The following PDE10A variants were observed in gnomAD, a reference collection of about 807,000 sequenced individuals.
PDE10A encodes cAMP and cAMP-inhibited cGMP 3',5'-cyclic phosphodiesterase 10A.
In PDE10A, 39 loss-of-function variants were observed where a neutral mutation model predicts 97.7. That is an observed-to-expected ratio of 0.40 (90% CI 0.31 to 0.52). The LOEUF (loss-of-function observed/expected upper bound fraction) is 0.52, where lower values mean the gene tolerates loss of function less well. Ranked by LOEUF, PDE10A falls within the 20% of genes least tolerant of loss-of-function variation. PDE10A has a pLI of 0.56. For synonymous variants in PDE10A, 371 were observed against 376.8 expected, an observed-to-expected ratio of 0.98 and a Z score of 0.18; for missense variants, 731 against 1,047.8, an observed-to-expected ratio of 0.70 and a Z score of 4.17.
At chr6:165,771,464 G>C (rs1474516114) in intron 1 of PDE10A, among the ~76,000 whole-genome samples, 1 of 152,012 alleles carries the variant, frequency 6.6e-6, no homozygotes, top group Non-Finnish European at 1.5e-5. Context: ...CAACAACCAG[G>C]TTCTGATTTG....
chr6:165,662,540 C>T lies in PDE10A; in HGVS notation c.272G>A (p.Cys91Tyr), dbSNP rs1269245518. The T allele has an allele frequency of 1.4e-5, 2 of 147,778 alleles. No homozygotes were observed. Among genetic ancestry groups the T allele is most frequent in the East Asian group, 4.1e-4 (2 of 4,924 alleles). The allele number at this position is 147,778 out of a possible 1,614,324, so 9.2% of individuals were successfully genotyped here. ...PGALSARGGG[C>Y]GWVAARAPLA... ...GGGAGCGCGGGCCGCGACCCAGCCG[C>T]AGCCGCCGCCGCGCGCAGAGAGGGC... Residue 91 changes from cysteine (C) to tyrosine (Y), a missense_variant, in exon 1 of 22, where the codon TGC becomes TAC. Cys to Tyr is a radical substitution (Grantham distance 194). This residue lies in a region of PDE10A where 181 missense variants were observed against 159.1 expected (regional missense o/e 1.14). Transcript: ENST00000539869.
chr6:165,367,213 T>G (rs886990261), intron 18 of PDE10A, among the ~76,000 whole-genome samples: 4 of 144,370 alleles, frequency 2.8e-5, no homozygotes, highest in African/African-American at 7.9e-5. Context: ...CTTGAAAATA[T>G]TACATATATA....
intron 1 of PDE10A, among the ~76,000 whole-genome samples, chr6:165,621,406 T>C (rs1478261153): frequency 6.6e-6 from 1 of 152,138 alleles, no homozygotes; most frequent in Non-Finnish European, 1.5e-5. Flanking sequence ...GAAAAACCCC[T>C]TTCCCCTTCA....
intron 1 of PDE10A, among the ~76,000 whole-genome samples, chr6:165,848,877 G>T (rs1780496292): frequency 6.6e-6 from 1 of 152,164 alleles, no homozygotes; most frequent in Admixed American, 6.5e-5. Flanking sequence ...GGGCAGGAGA[G>T]AATCTGTGAT....
intron 3 of PDE10A, among the ~76,000 whole-genome samples, 167 bp downstream of exon 3, chr6:165,482,148 A>AC (rs576318687): frequency 3.9e-5 from 6 of 152,238 alleles, no homozygotes; most frequent in African/African-American, 1.4e-4. Flanking sequence ...TTCAATTTGC[A>AC]CCCTCTCTAC....
At chr6:165,427,789 T>C (rs1396594261) in intron 10 of PDE10A, among the ~76,000 whole-genome samples, 1 of 152,168 alleles carries the variant, frequency 6.6e-6, no homozygotes, top group Admixed American at 6.5e-5. Context: ...TACTCACTGA[T>C]TTACAAATTC....
intron 1 of PDE10A, among the ~76,000 whole-genome samples, chr6:165,715,152 C>T (rs954305473): frequency 8.5e-5 from 13 of 152,218 alleles, no homozygotes; most frequent in South Asian, 2.1e-4. Context: ...GTGCGGCCGG[C>T]GCTGCTTACA....
chr6:165,749,984 G>A (rs1469442361), intron 1 of PDE10A, among the ~76,000 whole-genome samples: 1 of 152,210 alleles, frequency 6.6e-6, no homozygotes, highest in African/African-American at 2.4e-5. Context: ...CAGATGTGGA[G>A]TTACTGTTTT....
chr6:165,750,083 A>G (rs1792962314), intron 1 of PDE10A, among the ~76,000 whole-genome samples: 1 of 152,140 alleles, frequency 6.6e-6, no homozygotes, highest in East Asian at 1.9e-4. Context: ...TGAGGTGGGT[A>G]TTGAAGACTC....
intron 1 of PDE10A, among the ~76,000 whole-genome samples, chr6:165,944,344 T>C (rs1446145431): frequency 6.6e-6 from 1 of 152,218 alleles, no homozygotes; most frequent in Non-Finnish European, 1.5e-5. Flanking sequence ...AGATATTTTG[T>C]ATTTTTCCTT....
intron 1 of PDE10A, among the ~76,000 whole-genome samples, chr6:165,871,117 G>C (rs1233874576): frequency 6.6e-6 from 1 of 152,204 alleles, no homozygotes; most frequent in Non-Finnish European, 1.5e-5. Flanking sequence ...ACAAAGAAAT[G>C]ATAGATGTTT....
In PDE10A at chr6:165,431,229, A is replaced by G. The variant is rs470223; in HGVS notation, c.1542+193T>C. Among the ~76,000 whole-genome samples, 1,170 of 151,338 alleles carry G rather than the reference A, an allele frequency of 7.7e-3. 19 individuals are homozygous for G. The highest frequency in any genetic ancestry group is 0.027 in the African/African-American group (1,118 of 41,438). Reference sequence around the variant, plus strand: ...TATATGTATGTGAATGGACACACATATATTGCAAAATATTTAAGGCAGGGA... The same window carrying G: ...TATATGTATGTGAATGGACACACATGTATTGCAAAATATTTAAGGCAGGGA... On this transcript the variant is annotated intron_variant, in intron 8 of 21. Transcript: ENST00000539869.
chr6:165,894,650 A>T (rs1207186304), intron 1 of PDE10A: 2 of 414,636 alleles, frequency 4.8e-6, no homozygotes, highest in Non-Finnish European at 9.8e-6. Context: ...CCCACCGAGC[A>T]TGGGGCTGGC....
chr6:165,887,718 C>T (rs984736808), intron 1 of PDE10A, among the ~76,000 whole-genome samples: 1 of 152,228 alleles, frequency 6.6e-6, no homozygotes, highest in African/African-American at 2.4e-5. Context: ...CAGAGTCTGA[C>T]ATTTTCTCAC....
chr6:165,686,541 G>C (rs61262336), intron 1 of PDE10A, among the ~76,000 whole-genome samples: 5,681 of 152,274 alleles, frequency 0.037, 351 homozygotes, highest in African/African-American at 0.13. Context: ...GAGCACAGAG[G>C]TCTTGCAGGG....
intron 1 of PDE10A, among the ~76,000 whole-genome samples, chr6:165,559,529 T>G (rs1159108509): frequency 6.6e-6 from 1 of 152,212 alleles, no homozygotes; most frequent in Non-Finnish European, 1.5e-5. Context: ...TGAGAATACT[T>G]TTTTCAACAA....
In PDE10A at chr6:165,744,868, T is replaced by A. The variant is rs577963564; in HGVS notation, c.-614-201300A>T. 2.1e-3 allele frequency among the ~76,000 whole-genome samples: 325 copies of A among 151,828 alleles called. 4 individuals carry two copies. The highest frequency in any genetic ancestry group is 7.3e-3 in the African/African-American group (303 of 41,338). ...CAGTACTGCTTAAAAAAAAAAAAAATTCTGAGTTACTTATGTTTGATAAGC... is the reference window on the plus strand; with the variant it reads ...CAGTACTGCTTAAAAAAAAAAAAAAATCTGAGTTACTTATGTTTGATAAGC... On this transcript the variant is annotated intron_variant, in intron 1 of 19. Transcript: ENST00000366882.
chr6:165,908,058 C>T (rs547048737), intron 1 of PDE10A, among the ~76,000 whole-genome samples: 42 of 152,294 alleles, frequency 2.8e-4, no homozygotes, highest in African/African-American at 5.8e-4. Context: ...TCCAAAAACC[C>T]GGAGGAACCT....
chr6:165,395,158 G>C (rs1339749692), intron 15 of PDE10A, 23 bp downstream of exon 15: 2 of 1,522,412 alleles, frequency 1.3e-6, no homozygotes, highest in East Asian at 2.3e-5. Flanking sequence ...ATTTCAAAAA[G>C]TAAATTTTAA....
Sources: gnomAD v4.1 joint callset for allele counts (sites outside exome capture counted in the v4.1 genomes callset) on GRCh38, gnomAD v4.1.1 for gene constraint, gnomAD v4.1.1 regional missense constraint, MANE v1.5 for transcripts, NCBI Gene and HGNC (gene_info 2026-07-23, HGNC 2026-07-21) for gene names.